SH3TC1: variants seen among roughly 807,000 people sequenced by gnomAD.
SH3TC1 encodes SH3 domain and tetratricopeptide repeat-containing protein 1.
In SH3TC1, 135 loss-of-function variants were observed where a neutral mutation model predicts 117.3. The ratio of observed to expected loss-of-function variants is 1.15; its 90% confidence interval spans 1.00 to 1.33. SH3TC1 has a LOEUF of 1.33. SH3TC1 is among the 40% of genes most tolerant of loss of function. The probability of loss-of-function intolerance (pLI) is 0.00; values close to 1 mark genes in which losing one functional copy is unlikely to be tolerated. For synonymous variants in SH3TC1, 898 were observed against 816.9 expected, an observed-to-expected ratio of 1.10 and a Z score of -1.69; for missense variants, 2,092 against 1,794.3, an observed-to-expected ratio of 1.17 and a Z score of -3.00.
At chr4:8,214,920 A>G (rs1013982859) in intron 5 of SH3TC1, among the ~76,000 whole-genome samples, 35 of 152,314 alleles carry the variant, frequency 2.3e-4, no homozygotes, top group African/African-American at 8.4e-4. Flanking sequence ...TCCTGGCTTC[A>G]GGTGATCCGC....
intron 16 of SH3TC1, 126 bp downstream of exon 16, chr4:8,236,554 T>TGCCCAGCTGGCTCCCCC: frequency 7.7e-7 from 1 of 1,301,382 alleles, no homozygotes; most frequent in Admixed American, 3.4e-5. Flanking sequence ...CAGGCACATC[T>TGCCCAGCTGGCTCCCCC]GCCCAGCTGG....
intron 12 of SH3TC1, among the ~76,000 whole-genome samples, chr4:8,230,455 G>A (rs1422035816): frequency 6.6e-6 from 1 of 152,048 alleles, no homozygotes; most frequent in Non-Finnish European, 1.5e-5. Flanking sequence ...AGTCATTTGT[G>A]TCCCATCTTT....
intron 5 of SH3TC1, among the ~76,000 whole-genome samples, chr4:8,215,839 G>A (rs560348016): frequency 6.8e-4 from 104 of 152,378 alleles, no homozygotes; most frequent in Middle Eastern, 6.8e-3. Context: ...TCTCACAGAG[G>A]GGAATATGGA....
At chr4:8,187,612 C>T (rs1717267429) in intron 1 of SH3TC1, among the ~76,000 whole-genome samples, 1 of 149,890 alleles carries the variant, frequency 6.7e-6, no homozygotes, top group South Asian at 2.1e-4. Context: ...AGTGCAGTGG[C>T]GTGATCTCAG....
chr4:8,232,432 G>T, intron 13 of SH3TC1: 1 of 1,539,722 alleles, frequency 6.5e-7, no homozygotes, highest in Non-Finnish European at 8.8e-7. Context: ...AGCAGAAGCA[G>T]TTACATGCAT....
At chr4:8,238,484 G>A (rs1722022886) in intron 17 of SH3TC1, among the ~76,000 whole-genome samples, 1 of 152,170 alleles carries the variant, frequency 6.6e-6, no homozygotes, top group African/African-American at 2.4e-5. Context: ...GTTGTGGGCT[G>A]GGGGGCCAGG....
Position 8,209,547 on chromosome 4 carries a change from C to G in SH3TC1, c.173-201C>G. ...AGCCTCTGAGTGTGGGGCAGCTTGT[C>G]ACAGCATGCTGGGAAGTGCAGGCAG... On this transcript the variant is annotated intron_variant, in intron 2 of 17. Coordinates refer to ENST00000245105, the MANE Select transcript of SH3TC1 (RefSeq NM_018986.5). The surrounding 1 kb of genome is among the most constrained non-coding windows in gnomAD (Gnocchi z 5.9). The G allele has an allele frequency of 8.1e-7, 1 of 1,234,366 alleles. No individual in the cohort carries two copies. The highest frequency in any genetic ancestry group is 1.4e-5 in the South Asian group (1 of 73,984). 76.5% of individuals were successfully genotyped at this position (1,234,366 alleles called of 1,614,324 possible).
chr4:8,230,653 G>A (rs1179340522), intron 12 of SH3TC1, among the ~76,000 whole-genome samples: 1 of 151,620 alleles, frequency 6.6e-6, no homozygotes, highest in East Asian at 1.9e-4. Flanking sequence ...TCTTTTTCTA[G>A]TTTCTTAAGG....
Position 8,227,036 on chromosome 4 carries a change from A to G in SH3TC1, c.1342A>G (p.Asn448Asp), listed in dbSNP as rs1329122049. 1 of 1,579,358 alleles carries G rather than the reference A, an allele frequency of 6.3e-7. No homozygotes were observed. Among genetic ancestry groups the G allele is most frequent in the East Asian group, 2.3e-5 (1 of 44,294 alleles). ...EPQETLQKVK[N>D]VLEQCKTCPG... is the part of the protein sequence containing the mutation. ...ACAGGAGACCTTGCAGAAGGTGAAGAATGTTCTGGAACAATGCAAGACCTG... is the reference window on the plus strand; with the variant it reads ...ACAGGAGACCTTGCAGAAGGTGAAGGATGTTCTGGAACAATGCAAGACCTG... Residue 448 changes from asparagine (N) to aspartate (D), a missense_variant, in exon 12 of 18, where the codon AAT (asparagine) becomes GAT (aspartate). Physicochemically the swap from Asn to Asp is conservative, Grantham distance 23. Coordinates refer to ENST00000245105, the MANE Select transcript of SH3TC1 (RefSeq NM_018986.5).
rs973898052 is a variant in SH3TC1 at position 8,225,739 on chromosome 4, G to T, written c.1285+523G>T. 6.6e-6 allele frequency among the ~76,000 whole-genome samples: 1 copy of T among 152,190 alleles called. No individual in the cohort carries two copies. Among genetic ancestry groups the T allele is most frequent in the African/African-American group, 2.4e-5 (1 of 41,450 alleles). On this transcript the variant is annotated intron_variant, in intron 11 of 17. Coordinates refer to ENST00000245105, the MANE Select transcript of SH3TC1 (RefSeq NM_018986.5). The surrounding 1 kb of genome is among the most constrained non-coding windows in gnomAD (Gnocchi z 5.5). ...CTCACACAGGGTCCGCATGGGGAGAGCCTGGGGATGTGGACACCCCAAGAG... is the reference window on the plus strand; with the variant it reads ...CTCACACAGGGTCCGCATGGGGAGATCCTGGGGATGTGGACACCCCAAGAG...
At chr4:8,212,601 G>A in intron 3 of SH3TC1, 100 bp from the exon 4 acceptor site, 2 of 1,535,328 alleles carry the variant, frequency 1.3e-6, no homozygotes, top group Non-Finnish European at 8.8e-7. Context: ...GGCCTTCGGG[G>A]TCAGGTGTGT....
intron 17 of SH3TC1, among the ~76,000 whole-genome samples, chr4:8,239,228 A>ATGCACGC (rs1722093174): frequency 6.8e-6 from 1 of 147,430 alleles, no homozygotes; most frequent in African/African-American, 2.6e-5. Context: ...GCAAATGCAC[A>ATGCACGC]TGCACGCTGC....
At chr4:8,214,728 G>A in intron 5 of SH3TC1, 148 bp downstream of exon 5, 2 of 679,030 alleles carry the variant, frequency 2.9e-6, no homozygotes, top group Non-Finnish European at 2.5e-6. Context: ...CTGTCGCCCA[G>A]GCTGGAGTGC....
In SH3TC1 at chr4:8,237,492, G is replaced by A. The variant is rs150501798; in HGVS notation, c.3575G>A (p.Arg1192His). Reference protein sequence around the residue: ...SITLGDRLNERVAYHRLAALQ... With the variant: ...SITLGDRLNEHVAYHRLAALQ... ...ACCCCAGGGGACCGGCTGAACGAGC[G>A]CGTGGCCTACCACCGGCTGGCCGCC... The change falls in exon 17 of 18, where the codon CGC becomes CAC. Residue 1192 changes from arginine (R) to histidine (H), a missense_variant. Coordinates refer to ENST00000245105, the MANE Select transcript of SH3TC1 (RefSeq NM_018986.5). 226 of 1,594,252 alleles carry A rather than the reference G, an allele frequency of 1.4e-4. No individual in the cohort carries two copies. Among genetic ancestry groups the A allele is most frequent in the South Asian group, 6.4e-4 (57 of 88,678 alleles).
chr4:8,224,550 G>C (rs962526874), intron 10 of SH3TC1: 1 of 152,428 alleles, frequency 6.6e-6, no homozygotes, highest in African/African-American at 2.4e-5. Context: ...ACCTGTTATC[G>C]CAGTTCACAG....
intron 4 of SH3TC1, 111 bp from the exon 5 acceptor site, chr4:8,214,364 C>A (rs1222860777): frequency 7.4e-6 from 7 of 945,362 alleles, no homozygotes; most frequent in African/African-American, 6.6e-5. Context: ...GGTGTGTCGT[C>A]CCCCGCCGGG....
intron 5 of SH3TC1, 67 bp downstream of exon 5, chr4:8,214,647 T>G (rs1041715620): frequency 1.7e-6 from 2 of 1,160,218 alleles, no homozygotes; most frequent in Non-Finnish European, 2.6e-6. Context: ...TTACACACCG[T>G]GCACTTAGAT....
chr4:8,234,510 T>C (rs1205830820), intron 14 of SH3TC1, among the ~76,000 whole-genome samples: 1 of 149,408 alleles, frequency 6.7e-6, no homozygotes, highest in South Asian at 2.1e-4. Flanking sequence ...CATCCATTCA[T>C]CTGTCCATCC....
rs1252893291 is a variant in SH3TC1, at chr4:8,209,592, C to T, written c.173-156C>T. On this transcript the variant is annotated intron_variant, in intron 2 of 17. Coordinates refer to ENST00000245105, the MANE Select transcript of SH3TC1 (RefSeq NM_018986.5). This position sits in a 1 kb window ranked among gnomAD's most constrained non-coding sequence, Gnocchi z 5.9. ...AGGCAGCTTCCCTCCTTGCTGGGCT[C>T]TGGGGAGACTGGAGGAAGGCAGCTG... 1.3e-6 allele frequency: 2 copies of T among 1,526,492 alleles called. No individual in the cohort carries two copies. Among genetic ancestry groups the T allele is most frequent in the Non-Finnish European group, 1.8e-6 (2 of 1,137,864 alleles). The allele number at this position is 1,526,492 out of a possible 1,614,324, so 94.6% of individuals were successfully genotyped here. A position where few individuals can be genotyped will look rare whatever the true frequency, so the allele number is the denominator to read the frequency against.
Sources: allele counts gnomAD v4.1 joint callset (sites outside exome capture counted in the v4.1 genomes callset), GRCh38; gene constraint gnomAD v4.1.1; non-coding constraint Gnocchi (gnomAD v3.1); transcripts MANE v1.5; gene names NCBI Gene and HGNC (gene_info 2026-07-23, HGNC 2026-07-21).